Variants in IL3 observed in about 807,000 individuals in gnomAD.
IL3 encodes the protein interleukin 3.
A neutral mutation model predicts 15.4 loss-of-function variants in IL3; 15 were observed. The ratio of observed to expected loss-of-function variants is 0.97; its 90% CI spans 0.65 to 1.50. IL3 has a LOEUF of 1.50. Among genes scored for constraint, IL3 ranks in the 40% most tolerant of loss-of-function variants. IL3 has a pLI of 0.00. For synonymous variants in IL3, 74 were observed against 79.3 expected (o/e 0.93, Z 0.36); for missense variants, 162 against 192.2 (o/e 0.84, Z 0.93).
chr5:132,062,028 C>T (rs1416479893), intron 2 of IL3, among the ~76,000 whole-genome samples: 1 of 152,214 alleles, frequency 6.6e-6, no homozygotes, highest in Admixed American at 6.5e-5. Flanking sequence ...TCCCAAAGTG[C>T]TGGGATTACA....
At position 132,063,103 on chromosome 5, in the gene IL3, C is replaced by T; in HGVS notation, c.*312C>T. On this transcript the variant is annotated 3_prime_UTR_variant, in exon 5 of 5. Transcript: ENST00000296870. ...TTAGCAGAGGAGCCATGTCCTGCTG[C>T]TTCTGCAAAAAACTCAGAGTGGGGT... is the stretch of plus-strand genomic sequence containing the variant. 1 of 247,894 alleles carries T rather than the reference C, an allele frequency of 4.0e-6. No homozygotes were observed. The highest frequency in any genetic ancestry group is 7.8e-6 in the Non-Finnish European group (1 of 128,478). 15.4% of individuals were successfully genotyped at this position (247,894 alleles called of 1,614,324 possible).
rs753436323 is a variant in IL3 at position 132,062,320 on chromosome 5, C to T, written c.213C>T (p.Asn71=). 1.9e-6 allele frequency: 3 copies of T among 1,613,328 alleles called. No individual in the cohort carries two copies. The highest frequency in any genetic ancestry group is 3.3e-5 in the Admixed American group (2 of 60,010). ...GEDQDILMEN[N]LRRPNLEAFN... is the part of the protein sequence containing the mutation. The stretch of plus-strand genomic sequence containing the variant: ...ATTCTCTGCCCCGTTAGGAAAATAA[C>T]CTTCGAAGGCCAAACCTGGAGGCAT... The change falls in exon 3 of 5, where the codon AAC becomes AAT. Residue 71 remains asparagine (N), a synonymous_variant. Transcript: ENST00000296870.
In IL3 at chr5:132,063,110, A is replaced by G. The variant is rs1305623857; in HGVS notation, c.*319A>G. 1 of 248,700 alleles carries G rather than the reference A, an allele frequency of 4.0e-6. No homozygotes were observed. The highest frequency in any genetic ancestry group is 7.8e-6 in the Non-Finnish European group (1 of 128,630). 15.4% of individuals were successfully genotyped at this position (248,700 alleles called of 1,614,324 possible). ...AGGAGCCATGTCCTGCTGCTTCTGC[A>G]AAAAACTCAGAGTGGGGTGGGGAGC... On this transcript the variant is annotated 3_prime_UTR_variant, in exon 5 of 5. Coordinates refer to ENST00000296870, the MANE Select transcript of IL3 (RefSeq NM_000588.4).
Position 132,062,998 on chromosome 5 carries a change from A to C in IL3, c.*207A>C. ...TTTGGCCTTGTGCGGTTGTGTTCTC[A>C]TTTTTATCCCATTGAGACTATTTAT... is the stretch of plus-strand genomic sequence containing the variant. On this transcript the variant is annotated 3_prime_UTR_variant, in exon 5 of 5. Coordinates refer to ENST00000296870, the MANE Select transcript of IL3 (RefSeq NM_000588.4). 3 of 595,138 alleles carry C rather than the reference A, an allele frequency of 5.0e-6. No individual in the cohort carries two copies. Among genetic ancestry groups the C allele is most frequent in the Non-Finnish European group, 5.7e-6 (2 of 350,528 alleles). The allele number at this position is 595,138 out of a possible 1,614,324, so 36.9% of individuals were successfully genotyped here.
At chr5:132,062,503 T>C (rs752117285) in intron 3 of IL3, 23 bp from the exon 4 acceptor site, 47 of 1,613,928 alleles carry the variant, frequency 2.9e-5, no homozygotes, top group Non-Finnish European at 3.9e-5. Context: ...TCTCTGACCA[T>C]CTGCTTTGGT....
rs779840371 is a variant in IL3, at chr5:132,062,309, T to C, written c.205-3T>C. 1 of 1,611,452 alleles carries C rather than the reference T, an allele frequency of 6.2e-7. No homozygotes were observed. The highest frequency in any genetic ancestry group is 1.7e-5 in the Admixed American group (1 of 60,022). ...CCCTTAAGTGTATTCTCTGCCCCGT[T>C]AGGAAAATAACCTTCGAAGGCCAAA... On this transcript the variant is annotated splice_region_variant and splice_polypyrimidine_tract_variant and intron_variant, in intron 2 of 4. Transcript: ENST00000296870.
At chr5:132,061,078 A>C (rs1190649168) in intron 2 of IL3, 70 bp downstream of exon 2, 23 of 1,414,162 alleles carry the variant, frequency 1.6e-5, no homozygotes, top group Non-Finnish European at 2.2e-5. Flanking sequence ...ATTCCATCTT[A>C]CCTAGCCTTG....
Position 132,060,861 on chromosome 5 carries a change from CT to C in IL3, c.158del (p.Leu53CysfsTer15). ...ACACACTTAAAGCAGCCACCTTTGC[CT>C]TTGCTGGTGAGTAGCTTGGATAAGA... ...IITHLKQPPL[P>X]LLDFNNLNGE... On this transcript the variant is annotated frameshift_variant, in exon 1 of 5. Coordinates refer to ENST00000296870, the MANE Select transcript of IL3 (RefSeq NM_000588.4). LOFTEE classifies it high-confidence loss of function. 2 of 1,614,062 alleles carry C rather than the reference CT, an allele frequency of 1.2e-6. No individual in the cohort carries two copies. Among genetic ancestry groups the C allele is most frequent in the Non-Finnish European group, 1.7e-6 (2 of 1,179,898 alleles).
At chr5:132,061,082 A>C (rs1443922448) in intron 2 of IL3, 74 bp downstream of exon 2, 1 of 1,384,044 alleles carries the variant, frequency 7.2e-7, no homozygotes. Flanking sequence ...CATCTTACCT[A>C]GCCTTGCTTT....
At position 132,061,108 on chromosome 5, in the gene IL3, A is replaced by G; in HGVS notation, c.204+100A>G. 2.9e-6 allele frequency: 3 copies of G among 1,027,474 alleles called. No individual in the cohort carries two copies. In the East Asian group the frequency reaches 7.2e-5, roughly 25 times the overall value. 63.6% of individuals were successfully genotyped at this position (1,027,474 alleles called of 1,614,324 possible). Reference sequence around the variant, plus strand: ...GCCTTGCTTTCTTCATCTGTAAAATAGGGTTAATAGCACCTATCTCAGTGG... The same window carrying G: ...GCCTTGCTTTCTTCATCTGTAAAATGGGGTTAATAGCACCTATCTCAGTGG... On this transcript the variant is annotated intron_variant, in intron 2 of 4. Coordinates refer to ENST00000296870, the MANE Select transcript of IL3 (RefSeq NM_000588.4).
intron 2 of IL3, 89 bp from the exon 3 acceptor site, chr5:132,062,223 C>T: frequency 9.4e-7 from 1 of 1,067,616 alleles, no homozygotes; most frequent in South Asian, 1.3e-5. Flanking sequence ...CAACAGTGGG[C>T]TTGGGAAACT....
intron 2 of IL3, 146 bp from the exon 3 acceptor site, chr5:132,062,166 C>A: frequency 1.4e-6 from 1 of 719,334 alleles, no homozygotes; most frequent in South Asian, 1.6e-5. Context: ...TGGGCAGGGA[C>A]CCACCTGAGG....
intron 3 of IL3, 50 bp from the exon 4 acceptor site, chr5:132,062,476 C>A (rs780412984): frequency 6.2e-7 from 1 of 1,613,512 alleles, no homozygotes; most frequent in Non-Finnish European, 8.5e-7. Flanking sequence ...GCAGGGCCCA[C>A]TCCCTTTCCA....
Position 132,062,925 on chromosome 5 carries a change from C to T in IL3, c.*134C>T. 2 of 1,197,654 alleles carry T rather than the reference C, an allele frequency of 1.7e-6. 1 individual carries two copies. Among genetic ancestry groups the T allele is most frequent in the South Asian group, 3.2e-5 (2 of 61,792 alleles). 74.2% of individuals were successfully genotyped at this position (1,197,654 alleles called of 1,614,324 possible). On this transcript the variant is annotated 3_prime_UTR_variant, in exon 5 of 5. Coordinates refer to ENST00000296870, the MANE Select transcript of IL3 (RefSeq NM_000588.4). The stretch of plus-strand genomic sequence containing the variant: ...AGAAGCATTTCACCTTTTCCTGCGG[C>T]ATCAGATGAATTGTTAATTATCTAA...
intron 2 of IL3, 55 bp from the exon 3 acceptor site, chr5:132,062,257 G>C (rs1756492793): frequency 7.2e-7 from 1 of 1,388,056 alleles, no homozygotes; most frequent in Non-Finnish European, 1.0e-6. Context: ...CCACCTGCTT[G>C]TGGGAGGGAT....
chr5:132,062,913 C>T lies in IL3; in HGVS notation c.*122C>T. 2.3e-6 allele frequency: 3 copies of T among 1,305,022 alleles called. No homozygotes were observed. The highest frequency in any genetic ancestry group is 2.8e-4 in the Middle Eastern group (1 of 3,626). The allele number at this position is 1,305,022 out of a possible 1,614,324, so 80.8% of individuals were successfully genotyped here. A position where few individuals can be genotyped will look rare whatever the true frequency, so the allele number is the denominator to read the frequency against. On this transcript the variant is annotated 3_prime_UTR_variant, in exon 5 of 5. Transcript: ENST00000296870. ...CATTCCAGGACCAGAAGCATTTCAC[C>T]TTTTCCTGCGGCATCAGATGAATTG...
chr5:132,062,566 C>T lies in IL3; in HGVS notation c.335C>T (p.Thr112Met), dbSNP rs200006770. ...CTGCCCCTGGCCACGGCCGCACCCA[C>T]GGTAAGCTGTCCCCCAAGATGCCCG... ...PCLPLATAAPTRHPIHIKDGD... is the reference protein window; with the variant it reads ...PCLPLATAAPMRHPIHIKDGD... The change falls in exon 4 of 5, where the codon ACG becomes ATG. Residue 112 changes from threonine to methionine, a missense_variant and splice_region_variant. Coordinates refer to ENST00000296870, the MANE Select transcript of IL3 (RefSeq NM_000588.4). 3.0e-5 allele frequency: 48 copies of T among 1,614,034 alleles called. No individual in the cohort carries two copies. Among genetic ancestry groups the T allele is most frequent in the Middle Eastern group, 1.6e-4 (1 of 6,084 alleles).
rs1299170878 is a variant in IL3, at chr5:132,061,060, G to C, written c.204+52G>C. 3 of 1,551,956 alleles carry C rather than the reference G, an allele frequency of 1.9e-6. No homozygotes were observed. In the South Asian group the frequency reaches 3.4e-5, roughly 17 times the overall value. ...TCCACTTCCTGCCTGGGTGACTTCA[G>C]CCATGTCATTCCATCTTACCTAGCC... On this transcript the variant is annotated intron_variant, in intron 2 of 4. Coordinates refer to ENST00000296870, the MANE Select transcript of IL3 (RefSeq NM_000588.4).
Position 132,062,817 on chromosome 5 carries a change from G to C in IL3, c.*26G>C, listed in dbSNP as rs371323430. ...GTCCAACGTCCAGCTCGTTCTCTGG[G>C]CCTTCTCACCACAGAGCCTCGGGAC... On this transcript the variant is annotated 3_prime_UTR_variant, in exon 5 of 5. Coordinates refer to ENST00000296870, the MANE Select transcript of IL3 (RefSeq NM_000588.4). The C allele has an allele frequency of 6.2e-7, 1 of 1,605,604 alleles. No homozygotes were observed. The highest frequency in any genetic ancestry group is 8.5e-7 in the Non-Finnish European group (1 of 1,174,158).
Sources: gnomAD v4.1 joint callset for allele counts (sites outside exome capture counted in the v4.1 genomes callset) on GRCh38, gnomAD v4.1.1 for gene constraint, MANE v1.5 for transcripts, NCBI Gene and HGNC (gene_info 2026-07-23, HGNC 2026-07-21) for gene names.